QTMAN: variants seen among roughly 807,000 people sequenced by gnomAD.
QTMAN encodes queuosine-tRNA mannosyltransferase, also known as tRNA-queuosine alpha-mannosyltransferase.
At chr2:144,224,206 G>A in the QTMAN span, among the ~76,000 whole-genome samples, 2 of 152,114 alleles carry the variant, frequency 1.3e-5, no homozygotes, top group South Asian at 4.1e-4. Context: ...ATAGAAAATA[G>A]AATTCTTTTT....
chr2:143,942,800 A>T, the QTMAN span: 2 of 166,840 alleles, frequency 1.2e-5, no homozygotes, highest in Admixed American at 1.3e-4. Context: ...TTGGCAGTAG[A>T]GTAGTTTGTA....
At chr2:143,982,597 A>G in the QTMAN span, among the ~76,000 whole-genome samples, 1 of 150,672 alleles carries the variant, frequency 6.6e-6, no homozygotes, top group Non-Finnish European at 1.5e-5. Context: ...GCGGTGGCTC[A>G]TGCCTGTAAT....
At chr2:144,149,705 G>A in the QTMAN span, among the ~76,000 whole-genome samples, 7 of 152,052 alleles carry the variant, frequency 4.6e-5, no homozygotes, top group East Asian at 1.2e-3. Context: ...ACCTGTACAC[G>A]TTTCGATTGT....
At chr2:144,041,190 A>C in the QTMAN span, among the ~76,000 whole-genome samples, 2 of 152,178 alleles carry the variant, frequency 1.3e-5, no homozygotes, top group African/African-American at 2.4e-5. Flanking sequence ...ACATAACCAG[A>C]AGTTAAGAGT....
the QTMAN span, chr2:143,952,795 C>A: frequency 6.2e-7 from 1 of 1,608,222 alleles, no homozygotes; most frequent in Admixed American, 1.7e-5. Flanking sequence ...CGGGATAAAC[C>A]AAATCTTTAG....
the QTMAN span, among the ~76,000 whole-genome samples, chr2:144,090,524 G>T: frequency 6.6e-6 from 1 of 151,778 alleles, no homozygotes; most frequent in Non-Finnish European, 1.5e-5. Flanking sequence ...GAAACTGATG[G>T]ATACAAGATA....
chr2:144,187,311 C>T, the QTMAN span, among the ~76,000 whole-genome samples: 371 of 152,284 alleles, frequency 2.4e-3, 2 homozygotes, highest in East Asian at 0.021. Flanking sequence ...GAATCAGACA[C>T]GAGTGAAGAA....
At chr2:144,075,020 C>T in the QTMAN span, among the ~76,000 whole-genome samples, 11 of 152,212 alleles carry the variant, frequency 7.2e-5, no homozygotes, top group African/African-American at 2.6e-4. Flanking sequence ...GGTTGGAAAG[C>T]GCAATTAACT....
chr2:144,233,784 G>A, the QTMAN span, among the ~76,000 whole-genome samples: 39 of 152,118 alleles, frequency 2.6e-4, no homozygotes, highest in Non-Finnish European at 5.1e-4. Flanking sequence ...AAGTTATGCC[G>A]AAGAATGCAT....
the QTMAN span, among the ~76,000 whole-genome samples, chr2:144,259,694 T>G: frequency 6.6e-6 from 1 of 152,208 alleles, no homozygotes; most frequent in Admixed American, 6.5e-5. Flanking sequence ...TGTTATTTTA[T>G]AATTAAGCTG....
chr2:143,991,611 C>A, the QTMAN span, among the ~76,000 whole-genome samples: 2 of 138,318 alleles, frequency 1.4e-5, no homozygotes, highest in African/African-American at 2.8e-5. Context: ...AGGTGAGGGG[C>A]GCCTCTGCCC....
chr2:144,098,435 C>G, the QTMAN span, among the ~76,000 whole-genome samples: 1 of 152,104 alleles, frequency 6.6e-6, no homozygotes, highest in Admixed American at 6.5e-5. Flanking sequence ...GGAGTCAAGG[C>G]CGGGTGCAGT....
At chr2:144,257,425 T>C in the QTMAN span, among the ~76,000 whole-genome samples, 1 of 151,946 alleles carries the variant, frequency 6.6e-6, no homozygotes, top group African/African-American at 2.4e-5. Context: ...AAACAAGACA[T>C]TCTTATTGTC....
chr2:144,155,534 C>T, the QTMAN span, among the ~76,000 whole-genome samples: 3 of 152,082 alleles, frequency 2.0e-5, no homozygotes, highest in Admixed American at 2.0e-4. Flanking sequence ...TGTTCTTTGC[C>T]CTTTATTTCA....
the QTMAN span, among the ~76,000 whole-genome samples, chr2:144,129,217 T>G: frequency 2.0e-5 from 3 of 151,878 alleles, no homozygotes; most frequent in Non-Finnish European, 4.4e-5. Flanking sequence ...TAAGGCAGAT[T>G]TGCACTGGAT....
chr2:144,310,285 G>A, the QTMAN span, among the ~76,000 whole-genome samples: 2 of 152,244 alleles, frequency 1.3e-5, no homozygotes, highest in South Asian at 4.2e-4. Flanking sequence ...AACAGGAATG[G>A]GGGGTAGTAA....
chr2:143,951,186 C>A, the QTMAN span, among the ~76,000 whole-genome samples: 1 of 151,342 alleles, frequency 6.6e-6, no homozygotes, highest in Non-Finnish European at 1.5e-5. Flanking sequence ...GTAAACTATA[C>A]TGGAGTTATG....
At chr2:144,213,166 C>T in the QTMAN span, among the ~76,000 whole-genome samples, 1 of 152,074 alleles carries the variant, frequency 6.6e-6, no homozygotes, top group Non-Finnish European at 1.5e-5. Flanking sequence ...CTGAAACCAA[C>T]GCTATGAATA....
At chr2:144,330,142 AGTCATGCATCACAT>A in the QTMAN span, among the ~76,000 whole-genome samples, 1 of 152,262 alleles carries the variant, frequency 6.6e-6, no homozygotes, top group Middle Eastern at 3.2e-3. Context: ...CCTAAGTGAT[AGTCATGCATCACAT>A]GACATTTCAG....
Sources: allele counts gnomAD v4.1 joint callset (sites outside exome capture counted in the v4.1 genomes callset), GRCh38; gene constraint gnomAD v4.1.1; transcripts MANE v1.5; gene names NCBI Gene and HGNC (gene_info 2026-07-23, HGNC 2026-07-21).